Variants in RGS12 observed in about 807,000 individuals in gnomAD.
RGS12 encodes the protein regulator of G-protein signaling 12.
A neutral mutation model predicts 120.1 loss-of-function variants in RGS12; 66 were observed. The observed-to-expected ratio is 0.55, with a 90% CI of 0.45 to 0.67. RGS12 has a LOEUF of 0.67. RGS12 is among the 30% of genes least tolerant of loss of function. The probability of loss-of-function intolerance (pLI) is 0.00; values close to 1 mark genes in which losing one functional copy is unlikely to be tolerated. For missense variants in RGS12, 1,859 were observed against 1,957.7 expected (o/e 0.95, Z 0.95); for synonymous variants, 827 against 804.7 (o/e 1.03, Z -0.47).
At chr4:3,363,262 C>G (rs1038434774) in intron 3 of RGS12, among the ~76,000 whole-genome samples, 1 of 152,116 alleles carries the variant, frequency 6.6e-6, no homozygotes, top group African/African-American at 2.4e-5. Context: ...GGAATTATTT[C>G]TGCAAAGTGG....
chr4:3,432,371 T>A, intron 17 of RGS12: 1 of 196,360 alleles, frequency 5.1e-6, no homozygotes, highest in Non-Finnish European at 9.2e-6. Context: ...GCAGCACAGC[T>A]GTGCGGCGGG....
At position 3,425,577 on chromosome 4, in the gene RGS12, C is replaced by T. The variant is rs1441865164; in HGVS notation, c.3331+17C>T. On this transcript the variant is annotated intron_variant, in intron 14 of 17. Coordinates refer to ENST00000336727, the MANE Select transcript of RGS12 (RefSeq NM_001394154.1). The stretch of plus-strand genomic sequence containing the variant: ...GAGGAAAGGGTGAGTAGGGCTGGTG[C>T]AGCGGATGGGGAGAGGGTGAGTGGG... The T allele has an allele frequency of 6.3e-7, 1 of 1,591,576 alleles. No individual in the cohort carries two copies. Among genetic ancestry groups the T allele is most frequent in the East Asian group, 2.2e-5 (1 of 44,496 alleles).
chr4:3,377,835 T>A (rs1717854842), intron 3 of RGS12, among the ~76,000 whole-genome samples: 1 of 152,246 alleles, frequency 6.6e-6, no homozygotes, highest in Non-Finnish European at 1.5e-5. Context: ...AGTTACATTT[T>A]AAAATACTTC....
chr4:3,393,109 G>T (rs1298791617), intron 4 of RGS12, among the ~76,000 whole-genome samples: 4 of 152,118 alleles, frequency 2.6e-5, no homozygotes, highest in African/African-American at 9.7e-5. Flanking sequence ...CCTGGTTATG[G>T]GTTACATTTT....
chr4:3,332,961 G>C (rs1386174990), intron 2 of RGS12, among the ~76,000 whole-genome samples: 1 of 151,890 alleles, frequency 6.6e-6, no homozygotes, highest in Non-Finnish European at 1.5e-5. Flanking sequence ...GAGTAGCTGG[G>C]ATTACGGGCA....
intron 3 of RGS12, among the ~76,000 whole-genome samples, chr4:3,364,220 A>G (rs1273779748): frequency 6.6e-6 from 1 of 152,144 alleles, no homozygotes; most frequent in Non-Finnish European, 1.5e-5. Flanking sequence ...GGATGTCACC[A>G]TCCGACACTA....
chr4:3,422,658 C>A, intron 11 of RGS12, 88 bp downstream of exon 11: 1 of 1,386,756 alleles, frequency 7.2e-7, no homozygotes, highest in Non-Finnish European at 9.8e-7. Flanking sequence ...CCTCAGGCTG[C>A]CCCCTCCTGC....
At chr4:3,304,964 G>A (rs187859418) in intron 1 of RGS12, among the ~76,000 whole-genome samples, 7 of 152,378 alleles carry the variant, frequency 4.6e-5, no homozygotes, top group African/African-American at 9.6e-5. Context: ...GGCCAGGGCT[G>A]TGCGATGAGG....
Position 3,422,474 on chromosome 4 carries a change from G to A in RGS12, c.2937G>A (p.Lys979=). 3.7e-6 allele frequency: 6 copies of A among 1,613,132 alleles called. No homozygotes were observed. Among genetic ancestry groups the A allele is most frequent in the Non-Finnish European group, 5.1e-6 (6 of 1,179,982 alleles). ...PDGTSCVVAV[K]AGFSIKDILS... ...GGACATCCTGCGTGGTGGCTGTCAA[G>A]GCGGGCTTCTCCATCAAAGACATCC... The change falls in exon 11 of 18, where the codon AAG becomes AAA. Residue 979 remains lysine (K), a synonymous_variant. Coordinates refer to ENST00000336727, the MANE Select transcript of RGS12 (RefSeq NM_001394154.1).
At chr4:3,404,290 A>C (rs1720887172) in intron 4 of RGS12, among the ~76,000 whole-genome samples, 1 of 152,256 alleles carries the variant, frequency 6.6e-6, no homozygotes, top group Non-Finnish European at 1.5e-5. Context: ...GTCCTGAGGC[A>C]CAAGTCTCCA....
In RGS12 at chr4:3,370,257, G is replaced by A. The variant is rs776867437; in HGVS notation, c.1999-16159G>A. 3.1e-6 allele frequency: 5 copies of A among 1,613,408 alleles called. No homozygotes were observed. The South Asian group carries it at 3.3e-5, about 11-fold the overall frequency. ...TAGACCCGGGTGCCTAGTGTGGCTC[G>A]GTGCCTTACAATGAATTTGGGGAAA... On this transcript the variant is annotated intron_variant, in intron 3 of 17. Transcript: ENST00000336727.
intron 1 of RGS12, among the ~76,000 whole-genome samples, chr4:3,293,726 G>A (rs1387177395): frequency 6.6e-6 from 1 of 151,338 alleles, no homozygotes; most frequent in African/African-American, 2.4e-5. Context: ...CAGAAAGGGC[G>A]CCCAGAGCCA....
intron 3 of RGS12, among the ~76,000 whole-genome samples, chr4:3,384,868 C>T (rs537286379): frequency 5.3e-5 from 8 of 152,260 alleles, no homozygotes; most frequent in Admixed American, 2.6e-4. Flanking sequence ...CAGTGGACCC[C>T]GGATGGCCAG....
chr4:3,387,124 C>T lies in RGS12; in HGVS notation c.2020+687C>T, dbSNP rs560242590. Among the ~76,000 whole-genome samples the T allele has an allele frequency of 2.0e-4, 31 of 152,314 alleles. 1 individual carries two copies. The South Asian group carries it at 5.8e-3, about 29-fold the overall frequency. On this transcript the variant is annotated intron_variant, in intron 4 of 17. Coordinates refer to ENST00000336727, the MANE Select transcript of RGS12 (RefSeq NM_001394154.1). The stretch of plus-strand genomic sequence containing the variant: ...ACACTCCTGACAGTCCGCAGGCTCT[C>T]GGGTTTCATCGTCACCTCACGCTTT...
chr4:3,382,259 A>G (rs1173392436), intron 3 of RGS12, among the ~76,000 whole-genome samples: 1 of 152,202 alleles, frequency 6.6e-6, no homozygotes, highest in Non-Finnish European at 1.5e-5. Flanking sequence ...CAGAGATATA[A>G]TGTCCCTTTT....
chr4:3,294,950 G>T (rs988356375), intron 1 of RGS12, among the ~76,000 whole-genome samples: 4 of 152,140 alleles, frequency 2.6e-5, no homozygotes, highest in African/African-American at 9.7e-5. Context: ...CAGGGGTGGC[G>T]CGGCCTGAGG....
At position 3,319,448 on chromosome 4, in the gene RGS12, G is replaced by A. The variant is rs546544585; in HGVS notation, c.1881+1397G>A. Among the ~76,000 whole-genome samples, 9 of 151,812 alleles carry A rather than the reference G, an allele frequency of 5.9e-5. No individual in the cohort carries two copies. The South Asian group carries it at 1.9e-3, about 32-fold the overall frequency. On this transcript the variant is annotated intron_variant, in intron 2 of 17. Transcript: ENST00000336727. ...TTTTCAACATCCTCTTTATTTTTGG[G>A]GACAGGGTCTGGCTCTGTTGTCCAG...
At chr4:3,431,123 G>T in intron 17 of RGS12, 168 bp downstream of exon 17, 1 of 1,435,250 alleles carries the variant, frequency 7.0e-7, no homozygotes, top group South Asian at 1.5e-5. Flanking sequence ...GAAAGGAGGG[G>T]CTCGTGTGGC....
At position 3,417,102 on chromosome 4, in the gene RGS12, C is replaced by T. The variant is rs1372885280; in HGVS notation, c.2607+10C>T. On this transcript the variant is annotated intron_variant, in intron 8 of 17. Transcript: ENST00000336727. ...GTCCACGCCAAAAAAGGTGACCTCC[C>T]CGAGGCTGGCCTCACGCCCCTGTGG... 1.9e-6 allele frequency: 3 copies of T among 1,585,814 alleles called. No individual in the cohort carries two copies. The highest frequency in any genetic ancestry group is 2.6e-6 in the Non-Finnish European group (3 of 1,160,496).
Sources: allele counts gnomAD v4.1 joint callset (sites outside exome capture counted in the v4.1 genomes callset), GRCh38; gene constraint gnomAD v4.1.1; transcripts MANE v1.5; gene names NCBI Gene and HGNC (gene_info 2026-07-23, HGNC 2026-07-21).